DIAPH1: variants seen among roughly 807,000 people sequenced by gnomAD.
DIAPH1 encodes diaphanous related formin 1, also known as protein diaphanous homolog 1.
A neutral mutation model predicts 140.7 loss-of-function variants in DIAPH1; 46 were observed. The observed-to-expected ratio is 0.33, with a 90% CI of 0.26 to 0.42. The LOEUF (loss-of-function observed/expected upper bound fraction) is 0.42, where lower values mean the gene tolerates loss of function less well. Ranked by LOEUF, DIAPH1 falls within the 10% of genes least tolerant of loss-of-function variation. The pLI is 1.00. For synonymous variants in DIAPH1, 565 were observed against 551.6 expected, an observed-to-expected ratio of 1.02 and a Z score of -0.34; for missense variants, 1,310 against 1,558.7, an observed-to-expected ratio of 0.84 and a Z score of 2.69.
intron 21 of DIAPH1, 112 bp from the exon 22 acceptor site, chr5:141,529,053 A>T: frequency 6.3e-7 from 1 of 1,580,126 alleles, no homozygotes; most frequent in Non-Finnish European, 8.7e-7. Context: ...GGGAGAAGAG[A>T]GAGATTAAGA....
At chr5:141,564,672 G>A (rs1056415344) in intron 18 of DIAPH1, 3 of 152,072 alleles carry the variant, frequency 2.0e-5, no homozygotes, top group Admixed American at 1.3e-4. Context: ...ATGAAACTCA[G>A]ACCAAAACAA....
chr5:141,516,760 G>A lies in DIAPH1; in HGVS notation c.*91C>T. ...CAGGGTGGTGGGAGTGGCCACCCCAGAGGAATATCCCCTTGAGCCTTTAGG... is the reference window on the plus strand; with the variant it reads ...CAGGGTGGTGGGAGTGGCCACCCCAAAGGAATATCCCCTTGAGCCTTTAGG... On this transcript the variant is annotated 3_prime_UTR_variant, in exon 28 of 28. Coordinates refer to ENST00000389054, the MANE Select transcript of DIAPH1 (RefSeq NM_005219.5). 6.7e-7 allele frequency: 1 copy of A among 1,502,614 alleles called. No individual in the cohort carries two copies. Among genetic ancestry groups the A allele is most frequent in the Non-Finnish European group, 9.2e-7 (1 of 1,089,016 alleles). The allele number at this position is 1,502,614 out of a possible 1,614,324, so 93.1% of individuals were successfully genotyped here.
intron 12 of DIAPH1, 123 bp downstream of exon 12, chr5:141,577,352 T>C (rs997429508): frequency 3.8e-6 from 3 of 792,042 alleles, no homozygotes; most frequent in Admixed American, 1.7e-5. Context: ...CGGTGACTAA[T>C]GAACCCTAAT....
intron 7 of DIAPH1, chr5:141,582,059 CAAAAAAAAAA>C (rs70991705): frequency 1.6e-3 from 124 of 79,770 alleles, no homozygotes; most frequent in East Asian, 4.8e-3. Flanking sequence ...GACTCCATCT[CAAAAAAAAAA>C]AAAAAAAAAA....
At chr5:141,518,638 T>A in intron 27 of DIAPH1, 3 of 316,006 alleles carry the variant, frequency 9.5e-6, no homozygotes, top group Non-Finnish European at 1.2e-5. Flanking sequence ...TCCACCCACC[T>A]CAGCCTCCCT....
At chr5:141,555,764 G>C (rs978078032) in intron 18 of DIAPH1, among the ~76,000 whole-genome samples, 4 of 152,222 alleles carry the variant, frequency 2.6e-5, no homozygotes, top group African/African-American at 9.6e-5. Flanking sequence ...TAGTAGAAAA[G>C]AGAGACCCTT....
At chr5:141,523,286 T>C (rs956861532) in intron 27 of DIAPH1, among the ~76,000 whole-genome samples, 2 of 152,162 alleles carry the variant, frequency 1.3e-5, no homozygotes, top group Non-Finnish European at 2.9e-5. Flanking sequence ...CTCTTCAAAT[T>C]AGTAAAGAAG....
At chr5:141,582,859 C>T (rs894149724) in intron 6 of DIAPH1, among the ~76,000 whole-genome samples, 4 of 152,126 alleles carry the variant, frequency 2.6e-5, no homozygotes, top group Non-Finnish European at 5.9e-5. Flanking sequence ...CAATACTAGT[C>T]CCAAGTATAT....
At chr5:141,587,228 T>C (rs1234141428) in intron 2 of DIAPH1, 31 bp from the exon 3 acceptor site, 1 of 1,611,136 alleles carries the variant, frequency 6.2e-7, no homozygotes, top group South Asian at 1.1e-5. Context: ...TTAGCAGTGA[T>C]CCATTTTCAC....
rs568307383 is a variant in DIAPH1 at position 141,618,846 on chromosome 5, T to A, written c.69A>T (p.Pro23=). The change falls in exon 1 of 28, where the codon CCA becomes CCT. Residue 23 remains proline (P), a synonymous_variant. Transcript: ENST00000389054. ...CGCCGCCCGCCGAGGGCAGCTCATC[T>A]GGGCTCCGGCCCTTCTTCTTGTCCC... ...GTRDKKKGRS[P]DELPSAGGDG... is the part of the protein sequence containing the mutation. 2.1e-5 allele frequency: 32 copies of A among 1,544,156 alleles called. No individual in the cohort carries two copies. In the South Asian group the frequency reaches 2.9e-4, roughly 14 times the overall value.
chr5:141,589,413 G>C (rs1248350870), intron 1 of DIAPH1, among the ~76,000 whole-genome samples: 1 of 152,334 alleles, frequency 6.6e-6, no homozygotes, highest in East Asian at 1.9e-4. Context: ...ATGAGTTAAT[G>C]AAAGATGTGA....
At chr5:141,591,306 C>T (rs944669411) in intron 1 of DIAPH1, among the ~76,000 whole-genome samples, 5 of 152,034 alleles carry the variant, frequency 3.3e-5, no homozygotes, top group African/African-American at 9.7e-5. Flanking sequence ...TCTCACAGCA[C>T]TAAAAATGGA....
chr5:141,524,795 T>C (rs2099887064), intron 26 of DIAPH1: 1 of 173,914 alleles, frequency 5.7e-6, no homozygotes, highest in African/African-American at 2.4e-5. Flanking sequence ...CCTGGCTCGG[T>C]TTCCATGACA....
Position 141,577,485 on chromosome 5 carries a change from A to T in DIAPH1, c.1270T>A (p.Tyr424Asn). Residue 424 changes from tyrosine (Y) to asparagine (N), a missense_variant, in exon 12 of 28, where the codon TAT (tyrosine) becomes AAT (asparagine). Tyr to Asn is a moderately radical substitution (Grantham distance 143). Coordinates refer to ENST00000389054, the MANE Select transcript of DIAPH1 (RefSeq NM_005219.5). Reference sequence around the variant, plus strand: ...AGCACAGCATCTTACCTGGCCTCATAGTCATTTCGGACCAAGAGTAAGTGC... The same window carrying T: ...AGCACAGCATCTTACCTGGCCTCATTGTCATTTCGGACCAAGAGTAAGTGC... ...LQHLLLVRND[Y>N]EARPQYYKLI... 1.2e-6 allele frequency: 2 copies of T among 1,610,504 alleles called. No homozygotes were observed. Among genetic ancestry groups the T allele is most frequent in the Non-Finnish European group, 8.5e-7 (1 of 1,176,684 alleles).
At chr5:141,600,132 C>A (rs919207961) in intron 1 of DIAPH1, among the ~76,000 whole-genome samples, 2 of 152,192 alleles carry the variant, frequency 1.3e-5, no homozygotes, top group African/African-American at 4.8e-5. Context: ...TTCAGGATGC[C>A]ATTTCTGGCA....
rs538600166 is a variant in DIAPH1 at position 141,575,658 on chromosome 5, AC to A, written c.1462-513del. On this transcript the variant is annotated intron_variant, in intron 14 of 27. Coordinates refer to ENST00000389054, the MANE Select transcript of DIAPH1 (RefSeq NM_005219.5). ...AGTGAGACTCCGTCTCAAAAAAAAA[AC>A]AAATAAAAATAAAAATGAAAATAAA... Among the ~76,000 whole-genome samples, 239 of 152,230 alleles carry A rather than the reference AC, an allele frequency of 1.6e-3. 1 individual carries two copies. The Middle Eastern group carries it at 0.017, about 11-fold the overall frequency.
intron 23 of DIAPH1, 114 bp downstream of exon 23, chr5:141,528,339 C>T: frequency 8.8e-6 from 13 of 1,484,100 alleles, no homozygotes; most frequent in Non-Finnish European, 1.1e-5. Context: ...TAAATCCTAT[C>T]TCATTTCCAC....
At chr5:141,539,352 C>A (rs1333896364) in intron 18 of DIAPH1, among the ~76,000 whole-genome samples, 1 of 148,212 alleles carries the variant, frequency 6.7e-6, no homozygotes, top group African/African-American at 2.5e-5. Context: ...TGTATTAATT[C>A]TTCATTAAAT....
At position 141,583,499 on chromosome 5, in the gene DIAPH1, G is replaced by A. The variant is rs1334634025; in HGVS notation, c.519C>T (p.Asn173=). The A allele has an allele frequency of 1.9e-6, 3 of 1,614,142 alleles. No homozygotes were observed. In the South Asian group the frequency reaches 3.3e-5, roughly 18 times the overall value. ...SCLESLRVSL[N]NNPVSWVQTF... The stretch of plus-strand genomic sequence containing the variant: ...AGAATCCTCACCTGACAGGGTTGTT[G>A]TTGAGAGACACACGAAGGGACTCCA... The change falls in exon 5 of 28, where the codon AAC becomes AAT. Residue 173 remains asparagine (N), a synonymous_variant. Transcript: ENST00000389054.
Sources: allele counts gnomAD v4.1 joint callset (sites outside exome capture counted in the v4.1 genomes callset), GRCh38; gene constraint gnomAD v4.1.1; transcripts MANE v1.5; gene names NCBI Gene and HGNC (gene_info 2026-07-23, HGNC 2026-07-21).